KIAA1217: variants seen among roughly 807,000 people sequenced by gnomAD.
The protein encoded by KIAA1217 is KIAA1217.
Under a neutral mutation model 163.9 loss-of-function variants are expected in KIAA1217, and 88 were observed. The ratio of observed to expected loss-of-function variants is 0.54; its 90% CI spans 0.45 to 0.64. KIAA1217 has a LOEUF of 0.64. Among genes scored for constraint, KIAA1217 ranks in the 30% least tolerant of loss-of-function variants. The pLI, the probability that KIAA1217 is intolerant of heterozygous loss-of-function variation, is 0.00. For synonymous variants in KIAA1217, 903 were observed against 923.1 expected, an observed-to-expected ratio of 0.98 and a Z score of 0.39; for missense variants, 2,372 against 2,475.0, an observed-to-expected ratio of 0.96 and a Z score of 0.88.
At chr10:24,023,675 C>G (rs74772148) in intron 2 of KIAA1217, among the ~76,000 whole-genome samples, 1 of 151,476 alleles carries the variant, frequency 6.6e-6, no homozygotes, top group African/African-American at 2.4e-5. Flanking sequence ...TGCTTATGTC[C>G]TTCAAAAGAT....
At chr10:23,890,022 A>G (rs1367821889) in intron 1 of KIAA1217, among the ~76,000 whole-genome samples, 2 of 151,744 alleles carry the variant, frequency 1.3e-5, no homozygotes, top group Non-Finnish European at 2.9e-5. Context: ...AAGATTTTAT[A>G]TAAGATTGAT....
chr10:24,227,351 GT>G (rs1431683002), intron 2 of KIAA1217, among the ~76,000 whole-genome samples: 1 of 151,172 alleles, frequency 6.6e-6, no homozygotes, highest in African/African-American at 2.4e-5. Flanking sequence ...TAGAGACAGG[GT>G]TTCACTATGT....
chr10:23,696,348 G>C (rs957462911), intron 1 of KIAA1217, among the ~76,000 whole-genome samples: 2 of 152,214 alleles, frequency 1.3e-5, no homozygotes, highest in Non-Finnish European at 2.9e-5. Flanking sequence ...ACGATCCTAG[G>C]AAAGTGGCTA....
chr10:24,209,121 G>A, upstream of KIAA1217: 2 of 1,392,956 alleles, frequency 1.4e-6, no homozygotes, highest in Non-Finnish European at 2.0e-6. Flanking sequence ...CCTCCCAGGC[G>A]CTTTCTGGGA....
chr10:23,937,994 G>A (rs1398598544), intron 1 of KIAA1217, among the ~76,000 whole-genome samples: 3 of 152,210 alleles, frequency 2.0e-5, no homozygotes, highest in Non-Finnish European at 4.4e-5. Flanking sequence ...GGCAGGCCAA[G>A]TGTCGAGAGT....
chr10:24,254,038 G>T (rs2074861081), intron 2 of KIAA1217, among the ~76,000 whole-genome samples: 2 of 152,150 alleles, frequency 1.3e-5, no homozygotes, highest in African/African-American at 4.8e-5. Flanking sequence ...CTGAGTTCGG[G>T]TTACCTCAAT....
chr10:23,807,971 G>GA (rs1357616777), intron 1 of KIAA1217, among the ~76,000 whole-genome samples: 2 of 152,206 alleles, frequency 1.3e-5, no homozygotes, highest in African/African-American at 2.4e-5. Context: ...AATTAAAAAG[G>GA]AAACAGCAAC....
chr10:23,890,665 A>C (rs554452412), intron 1 of KIAA1217, among the ~76,000 whole-genome samples: 2 of 151,990 alleles, frequency 1.3e-5, no homozygotes, highest in Non-Finnish European at 2.9e-5. Context: ...ACACTTTGGC[A>C]TACAGCCTAT....
At chr10:24,446,365 CTTCTT>C (rs1217055122) in intron 5 of KIAA1217, among the ~76,000 whole-genome samples, 1 of 151,776 alleles carries the variant, frequency 6.6e-6, no homozygotes, top group Non-Finnish European at 1.5e-5. Flanking sequence ...GCTTCATTCT[CTTCTT>C]TTCTGAGCAC....
chr10:23,885,565 G>A (rs557513190), intron 1 of KIAA1217, among the ~76,000 whole-genome samples: 1 of 152,044 alleles, frequency 6.6e-6, no homozygotes, highest in South Asian at 2.1e-4. Context: ...TTATAGACTT[G>A]ATCTCCTTAA....
At chr10:24,511,068 G>A (rs1211091108) in intron 9 of KIAA1217, among the ~76,000 whole-genome samples, 1 of 148,418 alleles carries the variant, frequency 6.7e-6, no homozygotes, top group African/African-American at 2.5e-5. Flanking sequence ...CAAAGGCCTG[G>A]CAAATAGGAG....
chr10:23,941,797 G>A (rs12776194), intron 1 of KIAA1217, among the ~76,000 whole-genome samples: 30,458 of 152,054 alleles, frequency 0.2, 3,314 homozygotes, highest in Middle Eastern at 0.27. Context: ...TCATGTTAGA[G>A]GGCCTTGGTA....
intron 6 of KIAA1217, among the ~76,000 whole-genome samples, chr10:24,488,093 A>G (rs2065635578): frequency 6.6e-6 from 1 of 152,174 alleles, no homozygotes; most frequent in African/African-American, 2.4e-5. Flanking sequence ...TGAATAAGAG[A>G]AATGAAGACA....
chr10:24,393,907 T>A (rs757410767), intron 3 of KIAA1217, among the ~76,000 whole-genome samples: 6 of 152,200 alleles, frequency 3.9e-5, no homozygotes, highest in Non-Finnish European at 8.8e-5. Context: ...GTACGGGGAC[T>A]CCTGTCTTCT....
intron 2 of KIAA1217, among the ~76,000 whole-genome samples, chr10:24,057,219 C>T (rs181404689): frequency 2.0e-5 from 3 of 152,200 alleles, no homozygotes; most frequent in African/African-American, 4.8e-5. Flanking sequence ...TGCACTCCAG[C>T]CTGGGTGACA....
intron 2 of KIAA1217, among the ~76,000 whole-genome samples, chr10:24,134,566 T>C (rs1328443947): frequency 6.6e-6 from 1 of 152,064 alleles, no homozygotes; most frequent in East Asian, 1.9e-4. Context: ...CATGGAGGTA[T>C]TGGGTATTAA....
intron 2 of KIAA1217, among the ~76,000 whole-genome samples, chr10:24,021,659 A>G (rs1020822107): frequency 6.6e-6 from 1 of 151,926 alleles, no homozygotes; most frequent in African/African-American, 2.4e-5. Flanking sequence ...GGGAAGAATA[A>G]AGCTGGAGGA....
At chr10:24,421,538 T>C (rs2058734116) in intron 3 of KIAA1217, among the ~76,000 whole-genome samples, 1 of 152,216 alleles carries the variant, frequency 6.6e-6, no homozygotes. Context: ...GCTAGTGAGT[T>C]CTTAGGATGC....
intron 20 of KIAA1217, 174 bp from the exon 21 acceptor site, chr10:24,545,653 G>A: frequency 1.4e-6 from 2 of 1,423,402 alleles, no homozygotes; most frequent in Non-Finnish European, 1.8e-6. Flanking sequence ...TATGTACATG[G>A]GGGGTTTCTA....
Sources: allele counts gnomAD v4.1 joint callset (sites outside exome capture counted in the v4.1 genomes callset), GRCh38; gene constraint gnomAD v4.1.1; transcripts MANE v1.5; gene names NCBI Gene and HGNC (gene_info 2026-07-23, HGNC 2026-07-21).